GADL1: variants seen among roughly 807,000 people sequenced by gnomAD.
The protein encoded by GADL1 is acidic amino acid decarboxylase GADL1.
A neutral mutation model predicts 69.5 loss-of-function variants in GADL1; 71 were observed. The ratio of observed to expected loss-of-function variants is 1.02; its 90% confidence interval spans 0.84 to 1.25. The LOEUF is 1.25. Ranked by LOEUF, GADL1 falls within the 50% of genes most tolerant of loss-of-function variation. The pLI is 0.00. For synonymous variants in GADL1, 254 were observed against 214.4 expected, an observed-to-expected ratio of 1.18 and a Z score of -1.62; for missense variants, 737 against 631.8, an observed-to-expected ratio of 1.17 and a Z score of -1.79.
At chr3:30,768,555 GAGAGAAGGGGTGGGGA>G (rs1696341381) in intron 14 of GADL1, among the ~76,000 whole-genome samples, 1 of 144,270 alleles carries the variant, frequency 6.9e-6, no homozygotes, top group African/African-American at 2.6e-5. Context: ...AAGAGGGGGA[GAGAGAAGGGGTGGGGA>G]GGGGGAGGAG....
chr3:30,864,250 G>C (rs1698363257), intron 1 of GADL1, among the ~76,000 whole-genome samples: 1 of 145,992 alleles, frequency 6.8e-6, no homozygotes, highest in Admixed American at 6.7e-5. Flanking sequence ...AAAAAGTTAA[G>C]ATTTTTTTTT....
rs530130666 is a variant in GADL1, at chr3:30,767,043, C to G, written c.1392+11136G>C. On this transcript the variant is annotated intron_variant, in intron 14 of 14. Coordinates refer to ENST00000282538, the MANE Select transcript of GADL1 (RefSeq NM_207359.3). ...TCAAGCATTTACTCTGTGCCAGGCA[C>G]TATTCTAAGCACTTTGGTATAATGC... 3.9e-5 allele frequency among the ~76,000 whole-genome samples: 6 copies of G among 152,312 alleles called. No individual in the cohort carries two copies. The South Asian group carries it at 1.2e-3, about 32-fold the overall frequency.
intron 11 of GADL1, among the ~76,000 whole-genome samples, chr3:30,811,853 C>A (rs1332986907): frequency 6.6e-6 from 1 of 152,114 alleles, no homozygotes; most frequent in African/African-American, 2.4e-5. Flanking sequence ...GGCCAAAAAA[C>A]CAGAATTTTC....
Position 30,727,503 on chromosome 3 carries a change from A to T in GADL1, c.*739T>A, listed in dbSNP as rs73056815. 1 of 151,884 alleles carries T rather than the reference A, an allele frequency of 6.6e-6. No individual in the cohort carries two copies. Among genetic ancestry groups the T allele is most frequent in the Non-Finnish European group, 1.5e-5 (1 of 67,950 alleles). 9.4% of individuals were successfully genotyped at this position (151,884 alleles called of 1,614,324 possible). On this transcript the variant is annotated 3_prime_UTR_variant, in exon 15 of 15. Coordinates refer to ENST00000282538, the MANE Select transcript of GADL1 (RefSeq NM_207359.3). ...GAGATAAACATTCAGCCTGCATAAA[A>T]CATAAATCTCTATGAAGTAAACATC... is the stretch of plus-strand genomic sequence containing the variant.
intron 13 of GADL1, among the ~76,000 whole-genome samples, chr3:30,781,742 G>T (rs943350326): frequency 3.3e-5 from 5 of 152,132 alleles, no homozygotes; most frequent in African/African-American, 9.7e-5. Flanking sequence ...TGCCCCACAG[G>T]GTTGGTTTGA....
chr3:30,806,320 C>T (rs948818404), intron 11 of GADL1, among the ~76,000 whole-genome samples: 1 of 152,048 alleles, frequency 6.6e-6, no homozygotes, highest in Non-Finnish European at 1.5e-5. Flanking sequence ...ACTATCATGC[C>T]AGGAGCCTCG....
chr3:30,825,502 C>T (rs768755292), intron 11 of GADL1, among the ~76,000 whole-genome samples: 1 of 151,846 alleles, frequency 6.6e-6, no homozygotes, highest in Non-Finnish European at 1.5e-5. Flanking sequence ...AGCTAGAAAG[C>T]CTAATTAGAA....
intron 14 of GADL1, among the ~76,000 whole-genome samples, chr3:30,757,038 C>CA (rs1671065822): frequency 6.6e-6 from 1 of 152,172 alleles, no homozygotes; most frequent in South Asian, 2.1e-4. Flanking sequence ...CCCTCAGCTT[C>CA]CTCCATTTCC....
chr3:30,876,645 A>G (rs569983717), intron 1 of GADL1, among the ~76,000 whole-genome samples: 17 of 151,942 alleles, frequency 1.1e-4, no homozygotes, highest in African/African-American at 3.9e-4. Flanking sequence ...AAATGTTAGC[A>G]TCTCATATTT....
chr3:30,762,246 TG>T (rs1328439707), intron 14 of GADL1, among the ~76,000 whole-genome samples: 2 of 152,190 alleles, frequency 1.3e-5, no homozygotes, highest in African/African-American at 4.8e-5. Context: ...TGAATTATGT[TG>T]AGAAGGTTCA....
rs1461608387 is a variant in GADL1, at chr3:30,850,953, TA to T, written c.429-13del. 1 of 1,397,036 alleles carries T rather than the reference TA, an allele frequency of 7.2e-7. No individual in the cohort carries two copies. Among genetic ancestry groups the T allele is most frequent in the South Asian group, 1.2e-5 (1 of 80,350 alleles). 86.5% of individuals were successfully genotyped at this position (1,397,036 alleles called of 1,614,324 possible). On this transcript the variant is annotated splice_polypyrimidine_tract_variant and intron_variant, in intron 4 of 14. Transcript: ENST00000282538. ...CCTCATACGTATAACTAGATAGATA[TA>T]AAAAACACTTCACTTCTATGACTAG...
intron 8 of GADL1, among the ~76,000 whole-genome samples, chr3:30,843,415 C>T (rs1355767002): frequency 6.6e-6 from 1 of 152,068 alleles, no homozygotes; most frequent in Non-Finnish European, 1.5e-5. Context: ...ACCACCACGC[C>T]CGGCGAATAT....
At chr3:30,894,549 CA>C (rs751764265) in intron 1 of GADL1, 28 bp downstream of exon 1, 115 of 1,544,164 alleles carry the variant, frequency 7.4e-5, no homozygotes, top group Admixed American at 3.4e-4. Context: ...AGGTTAAGGA[CA>C]AAAACCGCAG....
chr3:30,769,834 C>G (rs897466160), intron 14 of GADL1, among the ~76,000 whole-genome samples: 6 of 123,648 alleles, frequency 4.9e-5, no homozygotes, highest in African/African-American at 2.1e-4. Flanking sequence ...GATAGTGGGC[C>G]AATCCCAGAA....
chr3:30,748,218 G>C (rs939791893), intron 14 of GADL1, among the ~76,000 whole-genome samples: 1 of 152,122 alleles, frequency 6.6e-6, no homozygotes, highest in African/African-American at 2.4e-5. Flanking sequence ...ATGAGGAAGC[G>C]CATGGACGTA....
chr3:30,809,513 G>A (rs1442734938), intron 11 of GADL1, among the ~76,000 whole-genome samples: 2 of 152,220 alleles, frequency 1.3e-5, no homozygotes, highest in African/African-American at 4.8e-5. Context: ...TCTATTACCA[G>A]TTCTGAATCA....
chr3:30,809,317 A>C (rs144625834), intron 11 of GADL1, among the ~76,000 whole-genome samples: 3 of 152,284 alleles, frequency 2.0e-5, no homozygotes, highest in African/African-American at 7.2e-5. Flanking sequence ...TCCGGTTTGC[A>C]TACAGCTTGG....
At chr3:30,741,286 A>G (rs1695622892) in intron 14 of GADL1, among the ~76,000 whole-genome samples, 1 of 148,832 alleles carries the variant, frequency 6.7e-6, no homozygotes. Flanking sequence ...AATGTGTGTT[A>G]TTTTCTGATT....
At chr3:30,746,891 G>A (rs969184429) in intron 14 of GADL1, among the ~76,000 whole-genome samples, 3 of 152,120 alleles carry the variant, frequency 2.0e-5, no homozygotes, top group South Asian at 4.1e-4. Context: ...AGCAATGCAG[G>A]GGAGTGAAAA....
Sources: gnomAD v4.1 joint callset for allele counts (sites outside exome capture counted in the v4.1 genomes callset) on GRCh38, gnomAD v4.1.1 for gene constraint, MANE v1.5 for transcripts, NCBI Gene and HGNC (gene_info 2026-07-23, HGNC 2026-07-21) for gene names.